FSHR: variants seen among roughly 807,000 people sequenced by gnomAD.
FSHR encodes follicle-stimulating hormone receptor.
Under a neutral mutation model 52.1 loss-of-function variants are expected in FSHR, and 46 were observed. The ratio of observed to expected loss-of-function variants is 0.88; its 90% confidence interval spans 0.70 to 1.13. The LOEUF (loss-of-function observed/expected upper bound fraction) is 1.13. Among genes scored for constraint, FSHR ranks in the 50% most tolerant of loss-of-function variants. The probability of loss-of-function intolerance (pLI) is 0.00; values close to 1 mark genes in which losing one functional copy is unlikely to be tolerated. For missense variants in FSHR, 964 were observed against 834.6 expected, an observed-to-expected ratio of 1.16 and a Z score of -1.91; for synonymous variants, 399 against 309.6, an observed-to-expected ratio of 1.29 and a Z score of -3.03.
intron 1 of FSHR, among the ~76,000 whole-genome samples, chr2:49,127,372 A>G (rs1285097068): frequency 6.6e-6 from 1 of 152,144 alleles, no homozygotes; most frequent in Non-Finnish European, 1.5e-5. Flanking sequence ...TTCCAGTAGC[A>G]AAATAAGTGA....
At chr2:49,011,070 G>T (rs74998204) in intron 4 of FSHR, among the ~76,000 whole-genome samples, 90,064 of 145,300 alleles carry the variant, frequency 0.62, 30,056 homozygotes, top group East Asian at 0.75. Flanking sequence ...CCTTCTGCTA[G>T]CTTTTGAATG....
intron 1 of FSHR, among the ~76,000 whole-genome samples, chr2:49,075,893 A>G (rs1218315719): frequency 6.6e-6 from 1 of 152,078 alleles, no homozygotes; most frequent in Non-Finnish European, 1.5e-5. Context: ...ACCTGTCTCT[A>G]TTTCTCAAAG....
intron 8 of FSHR, among the ~76,000 whole-genome samples, chr2:48,974,936 A>G (rs1023196697): frequency 6.6e-6 from 1 of 152,170 alleles, no homozygotes; most frequent in African/African-American, 2.4e-5. Flanking sequence ...TTTGATTTTA[A>G]TTCCTTTATG....
intron 2 of FSHR, among the ~76,000 whole-genome samples, chr2:49,034,291 C>T (rs1369904483): frequency 3.9e-5 from 6 of 152,138 alleles, no homozygotes; most frequent in Admixed American, 3.3e-4. Context: ...GAGATGAGGC[C>T]TTGGATTTTC....
At chr2:49,140,137 C>T (rs371347392) in intron 1 of FSHR, among the ~76,000 whole-genome samples, 12 of 152,180 alleles carry the variant, frequency 7.9e-5, no homozygotes, top group East Asian at 3.9e-4. Flanking sequence ...CCACACCCAA[C>T]GCTCATGTTA....
intron 3 of FSHR, 100 bp from the exon 4 acceptor site, chr2:49,017,663 C>A (rs1379594392): frequency 2.4e-6 from 2 of 827,724 alleles, no homozygotes; most frequent in African/African-American, 1.7e-5. Flanking sequence ...TCATCCCATC[C>A]ACTCATCCAC....
rs552334139 is a variant in FSHR, at chr2:49,087,071, T to A, written c.153-18781A>T. Reference sequence around the variant, plus strand: ...TAGTTGAGGGACCCTGTGGGCAGGGTTTTTTTTTTTTTTTTTTTTTTTTTT... The same window carrying A: ...TAGTTGAGGGACCCTGTGGGCAGGGATTTTTTTTTTTTTTTTTTTTTTTTT... On this transcript the variant is annotated intron_variant, in intron 1 of 9. Transcript: ENST00000406846. 1.5e-3 allele frequency among the ~76,000 whole-genome samples: 78 copies of A among 51,302 alleles called. 1 individual carries two copies. Among genetic ancestry groups the A allele is most frequent in the African/African-American group, 8.0e-3 (75 of 9,408 alleles). 33.7% of individuals were successfully genotyped at this position (51,302 alleles called of 152,430 possible).
intron 1 of FSHR, among the ~76,000 whole-genome samples, chr2:49,131,450 T>A (rs573381354): frequency 4.1e-4 from 63 of 152,256 alleles, no homozygotes; most frequent in Non-Finnish European, 7.6e-4. Flanking sequence ...AAATAAATAA[T>A]CAATTATTTG....
chr2:49,012,634 T>G (rs1667315162), intron 4 of FSHR, among the ~76,000 whole-genome samples: 1 of 152,148 alleles, frequency 6.6e-6, no homozygotes, highest in African/African-American at 2.4e-5. Flanking sequence ...CCTGCTTCAG[T>G]GGCTGTGATG....
intron 1 of FSHR, among the ~76,000 whole-genome samples, chr2:49,152,100 C>T (rs757528452): frequency 2.0e-5 from 3 of 152,130 alleles, no homozygotes; most frequent in Non-Finnish European, 4.4e-5. Context: ...TTTGAGAGAG[C>T]TTCTAAAGCT....
intron 4 of FSHR, among the ~76,000 whole-genome samples, chr2:48,992,988 AT>A (rs1335180984): frequency 6.6e-6 from 1 of 151,344 alleles, no homozygotes; most frequent in Non-Finnish European, 1.5e-5. Flanking sequence ...ATCATTTAGC[AT>A]TTTTTTTCCG....
At chr2:49,083,947 G>A (rs1287398262) in intron 1 of FSHR, among the ~76,000 whole-genome samples, 1 of 151,794 alleles carries the variant, frequency 6.6e-6, no homozygotes, top group Non-Finnish European at 1.5e-5. Flanking sequence ...GAGACAGAAA[G>A]TCAAAAAGGA....
chr2:49,121,225 T>A (rs780734006), intron 1 of FSHR, among the ~76,000 whole-genome samples: 1 of 152,232 alleles, frequency 6.6e-6, no homozygotes, highest in East Asian at 1.9e-4. Flanking sequence ...CTTCAAAGTT[T>A]GACAACTTTG....
At chr2:49,002,225 T>G (rs778990005) in intron 4 of FSHR, among the ~76,000 whole-genome samples, 9 of 152,140 alleles carry the variant, frequency 5.9e-5, no homozygotes, top group Non-Finnish European at 1.3e-4. Context: ...CACCCAGCAA[T>G]ACCTTAATAC....
At chr2:49,056,791 A>G (rs2104315546) in intron 2 of FSHR, among the ~76,000 whole-genome samples, 1 of 152,234 alleles carries the variant, frequency 6.6e-6, no homozygotes, top group Non-Finnish European at 1.5e-5. Context: ...AAAAATTTTA[A>G]AAATATCAAA....
intron 1 of FSHR, among the ~76,000 whole-genome samples, chr2:49,092,174 G>A (rs1311053066): frequency 2.0e-5 from 3 of 152,052 alleles, no homozygotes; most frequent in Non-Finnish European, 2.9e-5. Flanking sequence ...CTAATTGTTC[G>A]CTGCTAAATT....
chr2:49,073,792 TA>T (rs1456700445), intron 1 of FSHR, among the ~76,000 whole-genome samples: 2 of 152,024 alleles, frequency 1.3e-5, no homozygotes, highest in African/African-American at 4.8e-5. Context: ...CAAAATATAC[TA>T]CAAAGCTATA....
At chr2:49,068,152 A>C (rs1267151619) in intron 2 of FSHR, 67 bp downstream of exon 2, 1 of 1,174,748 alleles carries the variant, frequency 8.5e-7, no homozygotes, top group East Asian at 2.3e-5. Context: ...GTCATACTAG[A>C]TGTGGTCTGA....
chr2:49,036,235 G>T (rs1668267313), intron 2 of FSHR, among the ~76,000 whole-genome samples: 1 of 152,018 alleles, frequency 6.6e-6, no homozygotes, highest in South Asian at 2.1e-4. Context: ...GGCTGATTTT[G>T]TTCTCAAGGA....
Sources: allele counts gnomAD v4.1 joint callset (sites outside exome capture counted in the v4.1 genomes callset), GRCh38; gene constraint gnomAD v4.1.1; transcripts MANE v1.5; gene names NCBI Gene and HGNC (gene_info 2026-07-23, HGNC 2026-07-21).